Variants in NBEA observed in about 807,000 individuals in gnomAD.
NBEA encodes the protein lysosomal-trafficking regulator 2.
A neutral mutation model predicts 343.4 loss-of-function variants in NBEA; 44 were observed. The ratio of observed to expected loss-of-function variants is 0.13; its 90% CI spans 0.10 to 0.16. The LOEUF is 0.16. NBEA is among the 10% of genes least tolerant of loss of function. NBEA has a pLI of 1.00. For missense variants in NBEA, 2,555 were observed against 3,631.3 expected (o/e 0.70, Z 7.62); for synonymous variants, 1,175 against 1,238.7 (o/e 0.95, Z 1.08).
In NBEA at chr13:35,318,365, G is replaced by T. The variant is rs1032640695; in HGVS notation, c.5903+8773G>T. The stretch of plus-strand genomic sequence containing the variant: ...TGACATCTATTGAGATAATCATGTG[G>T]TTTTTGTCATTGTTTCTGTTTATGT... On this transcript the variant is annotated intron_variant, in intron 36 of 58. Coordinates refer to ENST00000379939, the MANE Select transcript of NBEA (RefSeq NM_001385012.1). Among the ~76,000 whole-genome samples, 4 of 152,088 alleles carry T rather than the reference G, an allele frequency of 2.6e-5. No individual in the cohort carries two copies. In the South Asian group the frequency reaches 8.3e-4, roughly 32 times the overall value.
At chr13:35,117,552 C>A in intron 14 of NBEA, 59 bp downstream of exon 14, 3 of 851,102 alleles carry the variant, frequency 3.5e-6, no homozygotes, top group Non-Finnish European at 4.8e-6. Context: ...GAATTTCTGG[C>A]ATGTTTTAAA....
chr13:35,195,511 G>A (rs549202133), intron 30 of NBEA, among the ~76,000 whole-genome samples: 2 of 152,042 alleles, frequency 1.3e-5, no homozygotes, highest in African/African-American at 4.8e-5. Context: ...CAATTCTCCT[G>A]CCTCAGCCTC....
At chr13:35,434,344 T>C (rs990899866) in intron 39 of NBEA, among the ~76,000 whole-genome samples, 10 of 152,208 alleles carry the variant, frequency 6.6e-5, no homozygotes, top group Non-Finnish European at 8.8e-5. Context: ...ATATGTACTA[T>C]ATTTTAAAAT....
chr13:34,978,070 G>C (rs1410780756), intron 1 of NBEA, among the ~76,000 whole-genome samples: 1 of 152,162 alleles, frequency 6.6e-6, no homozygotes, highest in Non-Finnish European at 1.5e-5. Flanking sequence ...GCCTCCCAAA[G>C]TGCTAGGATT....
At chr13:35,365,136 A>AT (rs961907433) in intron 38 of NBEA, among the ~76,000 whole-genome samples, 13 of 151,728 alleles carry the variant, frequency 8.6e-5, no homozygotes, top group African/African-American at 1.7e-4. Context: ...TTTCTGATGC[A>AT]TTTTTTCTAA....
In NBEA at chr13:35,164,514, G is replaced by A; in HGVS notation, c.4233+5G>A. Reference sequence around the variant, plus strand: ...TCTGCTGCTACATCACCAACTGTAAGTACTTTGCCTCCATCTAGTGGTTAT... The same window carrying A: ...TCTGCTGCTACATCACCAACTGTAAATACTTTGCCTCCATCTAGTGGTTAT... On this transcript the variant is annotated splice_donor_5th_base_variant and intron_variant, in intron 24 of 58. Transcript: ENST00000379939. The A allele has an allele frequency of 6.2e-7, 1 of 1,608,096 alleles. No homozygotes were observed.
At chr13:35,604,626 A>T (rs182629757) in intron 47 of NBEA, among the ~76,000 whole-genome samples, 2 of 152,134 alleles carry the variant, frequency 1.3e-5, no homozygotes, top group African/African-American at 4.8e-5. Context: ...ACTCTTTTTT[A>T]AAATTTCTAA....
intron 10 of NBEA, among the ~76,000 whole-genome samples, chr13:35,085,037 A>C (rs1245560096): frequency 7.9e-5 from 12 of 152,178 alleles, no homozygotes; most frequent in Admixed American, 7.9e-4. Context: ...GCCCAGGAAG[A>C]AGTTGAATCT....
chr13:35,667,390 C>T lies in NBEA; in HGVS notation c.8481C>T (p.Val2827=). ...ACTTTGCAGAGGGCCCTTGCCTTGT[C>T]CACACCATCACTGGAGATTTGCTGA... The part of the protein sequence containing the change: ...ISGAKEGPCL[V]HTITGDLLRA... The change falls in exon 57 of 59, where the codon GTC becomes GTT. Residue 2827 remains valine (V), a synonymous_variant. Coordinates refer to ENST00000379939, the MANE Select transcript of NBEA (RefSeq NM_001385012.1). 1 of 1,613,886 alleles carries T rather than the reference C, an allele frequency of 6.2e-7. No homozygotes were observed. Among genetic ancestry groups the T allele is most frequent in the Non-Finnish European group, 8.5e-7 (1 of 1,179,830 alleles).
chr13:34,996,592 A>G (rs1229701029), intron 1 of NBEA, among the ~76,000 whole-genome samples: 2 of 152,148 alleles, frequency 1.3e-5, no homozygotes, highest in African/African-American at 4.8e-5. Flanking sequence ...GAGTGGTCCC[A>G]GCAATAATTA....
chr13:35,649,183 T>C (rs2084393488), intron 51 of NBEA, among the ~76,000 whole-genome samples: 1 of 152,106 alleles, frequency 6.6e-6, no homozygotes, highest in African/African-American at 2.4e-5. Flanking sequence ...CTACTGTATT[T>C]TAATTATTTA....
chr13:34,998,870 A>T (rs939243854), intron 1 of NBEA, among the ~76,000 whole-genome samples: 13 of 152,234 alleles, frequency 8.5e-5, no homozygotes, highest in African/African-American at 3.1e-4. Context: ...AGACAGGCAT[A>T]GGAAATCACA....
intron 38 of NBEA, among the ~76,000 whole-genome samples, chr13:35,402,305 C>A (rs926056729): frequency 1.3e-5 from 2 of 151,840 alleles, no homozygotes; most frequent in Non-Finnish European, 2.9e-5. Flanking sequence ...CTTTAAATAT[C>A]AATTTTAAAT....
chr13:35,290,538 T>A, intron 35 of NBEA, 88 bp downstream of exon 35: 1 of 828,220 alleles, frequency 1.2e-6, no homozygotes, highest in Non-Finnish European at 1.9e-6. Flanking sequence ...TATGTGTATG[T>A]TTATATATTT....
chr13:35,583,073 C>T (rs896359410), intron 45 of NBEA, among the ~76,000 whole-genome samples: 6 of 152,130 alleles, frequency 3.9e-5, no homozygotes, highest in African/African-American at 7.2e-5. Context: ...ACCATAAGCA[C>T]GGACTCTGTA....
At position 35,555,100 on chromosome 13, in the gene NBEA, C is replaced by T; in HGVS notation, c.6920C>T (p.Ala2307Val). Reference sequence around the variant, plus strand: ...TATTTGATGTTCCTTAATACTATTGCAGGTAAGATGTCTCATTCTTTAATC... The same window carrying T: ...TATTTGATGTTCCTTAATACTATTGTAGGTAAGATGTCTCATTCTTTAATC... ...FEYLMFLNTI[A>V]GRTYNDLNQY... The change falls in exon 44 of 59, where the codon GCA (alanine) becomes GTA (valine). Residue 2307 changes from alanine to valine, a missense_variant and splice_region_variant. Transcript: ENST00000379939. 1 of 1,526,904 alleles carries T rather than the reference C, an allele frequency of 6.5e-7. No homozygotes were observed. The highest frequency in any genetic ancestry group is 1.1e-5 in the South Asian group (1 of 87,882). The allele number at this position is 1,526,904 out of a possible 1,614,324, so 94.6% of individuals were successfully genotyped here.
chr13:35,254,485 T>A (rs1303570987), intron 34 of NBEA, among the ~76,000 whole-genome samples: 2 of 151,866 alleles, frequency 1.3e-5, no homozygotes, highest in East Asian at 3.9e-4. Context: ...ACTCAGCTAA[T>A]TTTTTAAAAA....
At chr13:35,418,859 C>A (rs1323145739) in intron 38 of NBEA, among the ~76,000 whole-genome samples, 7 of 151,886 alleles carry the variant, frequency 4.6e-5, no homozygotes, top group African/African-American at 1.7e-4. Context: ...AAATTACAGG[C>A]TAAGTATTCC....
At chr13:35,599,124 G>A (rs538125219) in intron 47 of NBEA, among the ~76,000 whole-genome samples, 1 of 152,156 alleles carries the variant, frequency 6.6e-6, no homozygotes, top group South Asian at 2.1e-4. Context: ...ACTTAAGAGG[G>A]ACTGCTTCCA....
Sources: allele counts gnomAD v4.1 joint callset (sites outside exome capture counted in the v4.1 genomes callset), GRCh38; gene constraint gnomAD v4.1.1; transcripts MANE v1.5; gene names NCBI Gene and HGNC (gene_info 2026-07-23, HGNC 2026-07-21).